The following ADGRD1 variants were observed in gnomAD, a reference collection of about 807,000 sequenced individuals.
ADGRD1 encodes G-protein coupled receptor 133.
ADGRD1 carries 77 observed loss-of-function variants against 113.4 expected under a neutral mutation model. The observed-to-expected ratio is 0.68, with a 90% CI of 0.57 to 0.82. ADGRD1 has a LOEUF of 0.82. ADGRD1 is among the 40% of genes least tolerant of loss of function. The pLI is 0.00. For missense variants in ADGRD1, 1,036 were observed against 1,139.1 expected (o/e 0.91, Z 1.30); for synonymous variants, 474 against 475.0 (o/e 1.00, Z 0.03).
At chr12:130,960,620 C>T (rs1870228872) in intron 2 of ADGRD1, among the ~76,000 whole-genome samples, 1 of 150,606 alleles carries the variant, frequency 6.6e-6, no homozygotes, top group African/African-American at 2.4e-5. Context: ...AAATTGCTAA[C>T]ATTAAAAATT....
chr12:131,002,792 G>A (rs1248007621), intron 9 of ADGRD1: 2 of 1,240,946 alleles, frequency 1.6e-6, no homozygotes, highest in Non-Finnish European at 1.0e-6. Flanking sequence ...CCCCATCCCA[G>A]AGTGGACCTG....
In ADGRD1 at chr12:131,084,655, C is replaced by A. The variant is rs1372890819; in HGVS notation, c.1663C>A (p.Pro555Thr). The change falls in exon 15 of 25, where the codon CCG becomes ACG. Residue 555 changes from proline to threonine, a missense_variant. Physicochemically the swap from Pro to Thr is conservative, Grantham distance 38. Transcript: ENST00000261654. The surrounding 1 kb of genome is among the most constrained non-coding windows in gnomAD (Gnocchi z 4.5). ...CTTTGCCATCCTCATGCAGGTGGTC[C>A]CGCTGGAGGTAAGAGCCAGGCCTCA... is the stretch of plus-strand genomic sequence containing the variant. The part of the protein sequence containing the change: ...TNFAILMQVV[P>T]LELARGHQVA... 6.2e-7 allele frequency: 1 copy of A among 1,613,930 alleles called. No homozygotes were observed. The highest frequency in any genetic ancestry group is 8.5e-7 in the Non-Finnish European group (1 of 1,179,872).
At chr12:131,093,950 C>T (rs1887087905) in intron 15 of ADGRD1, among the ~76,000 whole-genome samples, 1 of 148,412 alleles carries the variant, frequency 6.7e-6, no homozygotes. Flanking sequence ...GCCTCAGCAG[C>T]ACCCAGCCTC....
intron 21 of ADGRD1, among the ~76,000 whole-genome samples, chr12:131,134,316 G>A (rs139580194): frequency 7.9e-5 from 12 of 152,288 alleles, no homozygotes; most frequent in African/African-American, 2.9e-4. Context: ...CAGATCCAGG[G>A]ACCCCTCTTC....
Position 130,954,639 on chromosome 12 carries a change from TC to T in ADGRD1, c.84del (p.Arg29AspfsTer47). The T allele has an allele frequency of 6.2e-7, 1 of 1,613,618 alleles. No homozygotes were observed. Among genetic ancestry groups the T allele is most frequent in the Middle Eastern group, 1.8e-4 (1 of 5,592 alleles). ...YYNFQVRGVY[S>X]RSQDHPGFQV... The stretch of plus-strand genomic sequence containing the variant: ...TTGTGCGCAGGTGCGTGGCGTCTAC[TC>T]CAGATCGCAGGACCATCCAGGTAAG... On this transcript the variant is annotated frameshift_variant, in exon 2 of 25. Transcript: ENST00000261654. LOFTEE classifies it high-confidence loss of function. This position sits in a 1 kb window ranked among gnomAD's most constrained non-coding sequence, Gnocchi z 4.7.
At chr12:131,058,347 G>T (rs998387260) in intron 13 of ADGRD1, among the ~76,000 whole-genome samples, 9 of 152,122 alleles carry the variant, frequency 5.9e-5, no homozygotes, top group African/African-American at 1.9e-4. Context: ...TCGGCTGCTT[G>T]GCCTAACAGA....
chr12:130,977,304 T>C (rs1358767247), intron 4 of ADGRD1: 2 of 152,236 alleles, frequency 1.3e-5, no homozygotes, highest in Non-Finnish European at 2.9e-5. Context: ...GGGAAGAATT[T>C]CTTATTCCCA....
rs773356176 is a variant in ADGRD1, at chr12:130,991,061, T to C, written c.793T>C (p.Ser265Pro). 3.1e-6 allele frequency: 5 copies of C among 1,614,096 alleles called. No homozygotes were observed. The Admixed American group carries it at 8.3e-5, about 27-fold the overall frequency. ...SSTLPSLFMTSTASPVMPTDA... is the reference protein window; with the variant it reads ...SSTLPSLFMTPTASPVMPTDA... ...AACGCTGCCAAGCCTCTTCATGACATCCACAGCAAGCCCCGTGGTGAGCAG... is the reference window on the plus strand; with the variant it reads ...AACGCTGCCAAGCCTCTTCATGACACCCACAGCAAGCCCCGTGGTGAGCAG... Residue 265 changes from serine (S) to proline (P), a missense_variant, in exon 7 of 25, where the codon TCC (serine) becomes CCC (proline). By Grantham distance (74) the Ser-to-Pro change is moderately conservative. Coordinates refer to ENST00000261654, the MANE Select transcript of ADGRD1 (RefSeq NM_198827.5).
chr12:131,103,168 C>T (rs766278108), intron 15 of ADGRD1, among the ~76,000 whole-genome samples: 17 of 152,270 alleles, frequency 1.1e-4, no homozygotes, highest in African/African-American at 1.7e-4. Flanking sequence ...CCTGAGCCGG[C>T]GTTCAGCACA....
chr12:131,114,853 G>A (rs1425544573), intron 18 of ADGRD1, among the ~76,000 whole-genome samples: 1 of 152,206 alleles, frequency 6.6e-6, no homozygotes, highest in African/African-American at 2.4e-5. Context: ...AGGTAGCCAG[G>A]AGGGCAGAGT....
rs758928903 is a variant in ADGRD1 at position 131,050,271 on chromosome 12, T to C, written c.1474-26530T>C. ...TTCTCAGTCAGGACATCCGGTGCTATTCATAGCCAGGAAGTGCTGTTAGTT... is the reference window on the plus strand; with the variant it reads ...TTCTCAGTCAGGACATCCGGTGCTACTCATAGCCAGGAAGTGCTGTTAGTT... On this transcript the variant is annotated intron_variant, in intron 13 of 24. Transcript: ENST00000261654. This position sits in a 1 kb window ranked among gnomAD's most constrained non-coding sequence, Gnocchi z 4.8. 7.9e-5 allele frequency among the ~76,000 whole-genome samples: 12 copies of C among 152,120 alleles called. No homozygotes were observed. The highest frequency in any genetic ancestry group is 1.3e-4 in the Non-Finnish European group (9 of 68,010).
intron 20 of ADGRD1, among the ~76,000 whole-genome samples, chr12:131,122,336 G>A (rs999175922): frequency 6.6e-6 from 1 of 152,160 alleles, no homozygotes; most frequent in Non-Finnish European, 1.5e-5. Flanking sequence ...TTTTCTTTCA[G>A]TGAATCGCTG....
chr12:131,084,765 G>A lies in ADGRD1; in HGVS notation c.1671+102G>A. The stretch of plus-strand genomic sequence containing the variant: ...TGCCCGCCAGTGCCCACGGGCCCTG[G>A]GCACATTACTCCATGGGGCCTGTGT... On this transcript the variant is annotated intron_variant, in intron 15 of 24. Transcript: ENST00000261654. This position sits in a 1 kb window ranked among gnomAD's most constrained non-coding sequence, Gnocchi z 4.5. 1.6e-6 allele frequency: 2 copies of A among 1,252,722 alleles called. No homozygotes were observed. Among genetic ancestry groups the A allele is most frequent in the Non-Finnish European group, 2.3e-6 (2 of 883,086 alleles). The allele number at this position is 1,252,722 out of a possible 1,614,324, so 77.6% of individuals were successfully genotyped here. A position where few individuals can be genotyped will look rare whatever the true frequency, so the allele number is the denominator to read the frequency against.
Position 130,965,112 on chromosome 12 carries a change from C to T in ADGRD1, c.104-1351C>T, listed in dbSNP as rs1439557944. Among the ~76,000 whole-genome samples the T allele has an allele frequency of 6.6e-6, 1 of 152,146 alleles. No individual in the cohort carries two copies. Among genetic ancestry groups the T allele is most frequent in the Non-Finnish European group, 1.5e-5 (1 of 68,032 alleles). ...TTATTTTCTTCATGAAAATCTTGTA[C>T]AATTCTTATTCTTGTTTTCATAAAT... On this transcript the variant is annotated intron_variant, in intron 2 of 24. Coordinates refer to ENST00000261654, the MANE Select transcript of ADGRD1 (RefSeq NM_198827.5). The surrounding 1 kb of genome is among the most constrained non-coding windows in gnomAD (Gnocchi z 4.8).
intron 15 of ADGRD1, among the ~76,000 whole-genome samples, chr12:131,092,575 A>T (rs1041255852): frequency 7.9e-5 from 12 of 152,152 alleles, no homozygotes; most frequent in African/African-American, 2.9e-4. Context: ...CCAGGCGGCC[A>T]CTTCCCAGGC....
chr12:131,040,229 G>A (rs12368900), intron 13 of ADGRD1, among the ~76,000 whole-genome samples: 44 of 152,302 alleles, frequency 2.9e-4, no homozygotes, highest in East Asian at 7.7e-4. Flanking sequence ...TCAACCAGAC[G>A]TGCAACTGGT....
At chr12:131,031,429 G>T (rs1458667010) in intron 13 of ADGRD1, among the ~76,000 whole-genome samples, 1 of 152,166 alleles carries the variant, frequency 6.6e-6, no homozygotes, top group East Asian at 1.9e-4. Flanking sequence ...CTGTTGCTGG[G>T]ATGACCATTT....
chr12:131,123,596 C>A (rs1197934601), intron 20 of ADGRD1, among the ~76,000 whole-genome samples: 1 of 151,546 alleles, frequency 6.6e-6, no homozygotes, highest in African/African-American at 2.4e-5. Context: ...CCAAGGCAGG[C>A]GGATCATGAG....
intron 13 of ADGRD1, among the ~76,000 whole-genome samples, chr12:131,045,224 G>A (rs925866199): frequency 2.6e-5 from 4 of 152,266 alleles, no homozygotes; most frequent in Non-Finnish European, 5.9e-5. Flanking sequence ...GCAGCCCGCA[G>A]GACCTGTGGG....
Sources: gnomAD v4.1 joint callset for allele counts (sites outside exome capture counted in the v4.1 genomes callset) on GRCh38, gnomAD v4.1.1 for gene constraint, Gnocchi (gnomAD v3.1) non-coding constraint, MANE v1.5 for transcripts, NCBI Gene and HGNC (gene_info 2026-07-23, HGNC 2026-07-21) for gene names.